Variants in SLC26A5 observed in about 807,000 individuals in gnomAD.
SLC26A5 encodes the protein solute carrier family 26 member 5.
A neutral mutation model predicts 81.0 loss-of-function variants in SLC26A5; 51 were observed. That is an observed-to-expected ratio of 0.63 (90% confidence interval 0.50 to 0.80). The LOEUF (loss-of-function observed/expected upper bound fraction) is 0.80, where lower values mean the gene tolerates loss of function less well. SLC26A5 is among the 30% of genes least tolerant of loss of function. The probability of loss-of-function intolerance (pLI) is 0.00; values close to 1 mark genes in which losing one functional copy is unlikely to be tolerated. For missense variants in SLC26A5, 771 were observed against 905.8 expected (o/e 0.85, Z 1.91); for synonymous variants, 325 against 332.8 (o/e 0.98, Z 0.25).
intron 19 of SLC26A5, among the ~76,000 whole-genome samples, chr7:103,358,519 CT>C (rs1352637240): frequency 6.6e-6 from 1 of 151,936 alleles, no homozygotes; most frequent in African/African-American, 2.4e-5. Flanking sequence ...TGCCTTTTTA[CT>C]TTACTTTCTA....
intron 9 of SLC26A5, among the ~76,000 whole-genome samples, chr7:103,397,613 A>G (rs1823237171): frequency 6.8e-6 from 1 of 146,612 alleles, no homozygotes; most frequent in Non-Finnish European, 1.5e-5. Flanking sequence ...GCTACTTGGG[A>G]GGCTGAGGCA....
intron 19 of SLC26A5, chr7:103,363,559 A>G (rs956126775): frequency 1.3e-5 from 11 of 841,680 alleles, no homozygotes; most frequent in African/African-American, 6.8e-5. Flanking sequence ...GAGTTTTTTG[A>G]GAGGGTGGAG....
chr7:103,380,421 T>C, intron 15 of SLC26A5, 59 bp downstream of exon 15: 4 of 1,408,834 alleles, frequency 2.8e-6, no homozygotes, highest in Non-Finnish European at 4.0e-6. Context: ...GTAAAAACAG[T>C]ACTTAGCCAA....
intron 4 of SLC26A5, among the ~76,000 whole-genome samples, chr7:103,415,793 T>C (rs1824857672): frequency 6.6e-6 from 1 of 152,250 alleles, no homozygotes; most frequent in Non-Finnish European, 1.5e-5. Context: ...TTTTCATTTA[T>C]TCTGCTGGGT....
chr7:103,393,567 CTGTGTGTGTG>C (rs10549297), intron 9 of SLC26A5, among the ~76,000 whole-genome samples: 7 of 147,778 alleles, frequency 4.7e-5, no homozygotes, highest in Middle Eastern at 3.2e-3. Flanking sequence ...CTACCTCTTC[CTGTGTGTGTG>C]TGTGTGTGTG....
At chr7:103,410,052 T>C (rs1404483248) in intron 7 of SLC26A5, among the ~76,000 whole-genome samples, 1 of 152,200 alleles carries the variant, frequency 6.6e-6, no homozygotes, top group African/African-American at 2.4e-5. Context: ...TTCATGCCTT[T>C]AAATTATTTG....
At chr7:103,430,240 G>T (rs560226240) in intron 2 of SLC26A5, among the ~76,000 whole-genome samples, 4 of 152,086 alleles carry the variant, frequency 2.6e-5, no homozygotes, top group South Asian at 4.2e-4. Context: ...CACCATACCT[G>T]GCTAATTTTT....
intron 2 of SLC26A5, among the ~76,000 whole-genome samples, chr7:103,430,134 G>T (rs116564623): frequency 6.7e-6 from 1 of 149,792 alleles, no homozygotes; most frequent in African/African-American, 2.5e-5. Context: ...CCTAAAGTGC[G>T]ATGGTGTGAT....
rs569513390 is a variant in SLC26A5 at position 103,398,295 on chromosome 7, G to C, written c.889-281C>G. ...GGCTAGTTGACTGCTACAGAAAAAG[G>C]CCATAAAGCCTTTCAAACGTTGACC... On this transcript the variant is annotated intron_variant, in intron 8 of 19. Transcript: ENST00000306312. Among the ~76,000 whole-genome samples the C allele has an allele frequency of 5.9e-5, 9 of 152,276 alleles. No homozygotes were observed. The South Asian group carries it at 1.7e-3, about 28-fold the overall frequency.
At chr7:103,417,082 T>A (rs983821175) in intron 4 of SLC26A5, among the ~76,000 whole-genome samples, 1 of 152,084 alleles carries the variant, frequency 6.6e-6, no homozygotes, top group African/African-American at 2.4e-5. Flanking sequence ...TGAAATAATT[T>A]CTTCCTAGGC....
At chr7:103,360,346 T>C (rs914884282) in intron 19 of SLC26A5, among the ~76,000 whole-genome samples, 1 of 152,186 alleles carries the variant, frequency 6.6e-6, no homozygotes, top group African/African-American at 2.4e-5. Context: ...TCCTTTCAGG[T>C]TTTTTGGTCA....
intron 14 of SLC26A5, among the ~76,000 whole-genome samples, chr7:103,386,410 A>T (rs926778340): frequency 6.6e-6 from 1 of 151,776 alleles, no homozygotes; most frequent in African/African-American, 2.4e-5. Flanking sequence ...TACTAAAAAT[A>T]AAAAAAATTG....
At chr7:103,392,591 T>C (rs1200949436) in intron 10 of SLC26A5, among the ~76,000 whole-genome samples, 2 of 152,224 alleles carry the variant, frequency 1.3e-5, no homozygotes, top group Non-Finnish European at 2.9e-5. Context: ...ATTTATTTTT[T>C]TTCTGAGGCA....
chr7:103,421,386 C>T lies in SLC26A5; in HGVS notation c.129G>A (p.Ala43=), dbSNP rs756919217. Residue 43 remains alanine (A), a synonymous_variant, in exon 3 of 20, where the codon GCG becomes GCA. Coordinates refer to ENST00000306312, the MANE Select transcript of SLC26A5 (RefSeq NM_198999.3). Reference sequence around the variant, plus strand: ...ACGTGAATGCCTGTTTCAGCTTATCCGCAATGGAATCAGGAACCTTGTCCT... The same window carrying T: ...ACGTGAATGCCTGTTTCAGCTTATCTGCAATGGAATCAGGAACCTTGTCCT... ...HTKDKVPDSI[A]DKLKQAFTCT... is the part of the protein sequence containing the mutation. 21 of 1,613,912 alleles carry T rather than the reference C, an allele frequency of 1.3e-5. No homozygotes were observed. In the South Asian group the frequency reaches 1.4e-4, roughly 11 times the overall value.
rs774292856 is a variant in SLC26A5, at chr7:103,379,303, T to A, written c.1617A>T (p.Gln539His). ...VKEIPGIKIF[Q>H]INAPIYYANS... is the part of the protein sequence containing the mutation. ...TTGCATAGTAAATTGGTGCATTTAT[T>A]TGAAATATTTTTATTCCAGGAATTT... Residue 539 changes from glutamine (Q) to histidine (H), a missense_variant, in exon 16 of 20, where the codon CAA becomes CAT. Coordinates refer to ENST00000306312, the MANE Select transcript of SLC26A5 (RefSeq NM_198999.3). The A allele has an allele frequency of 1.2e-6, 2 of 1,610,078 alleles. No individual in the cohort carries two copies. Among genetic ancestry groups the A allele is most frequent in the South Asian group, 2.2e-5 (2 of 90,982 alleles).
At chr7:103,413,146 T>A in intron 4 of SLC26A5, 34 bp from the exon 5 acceptor site, 1 of 1,354,144 alleles carries the variant, frequency 7.4e-7, no homozygotes, top group Non-Finnish European at 1.1e-6. Flanking sequence ...AAATGGGGGA[T>A]CATTAGAAGA....
At chr7:103,436,239 G>A (rs1288183867) in intron 2 of SLC26A5, among the ~76,000 whole-genome samples, 1 of 152,104 alleles carries the variant, frequency 6.6e-6, no homozygotes, top group Non-Finnish European at 1.5e-5. Context: ...CAGGAAAGAA[G>A]TCTGAAAATT....
intron 4 of SLC26A5, among the ~76,000 whole-genome samples, chr7:103,414,137 C>A (rs557427163): frequency 1.4e-5 from 2 of 142,764 alleles, no homozygotes; most frequent in African/African-American, 5.1e-5. Flanking sequence ...TTCCCTCCCC[C>A]CATCCCCTGG....
chr7:103,374,676 G>GGT, intron 19 of SLC26A5, 84 bp from the exon 20 acceptor site: 1 of 877,900 alleles, frequency 1.1e-6, no homozygotes, highest in East Asian at 3.4e-5. Context: ...TCCATATAGT[G>GGT]TTTTTTTTTT....
Sources: allele counts gnomAD v4.1 joint callset (sites outside exome capture counted in the v4.1 genomes callset), GRCh38; gene constraint gnomAD v4.1.1; transcripts MANE v1.5; gene names NCBI Gene and HGNC (gene_info 2026-07-23, HGNC 2026-07-21).